Variants in MOGAT2 observed in about 807,000 individuals in gnomAD.
MOGAT2 encodes the protein 2-acylglycerol O-acyltransferase 2.
MOGAT2 carries 27 observed loss-of-function variants against 31.5 expected under a neutral mutation model. The ratio of observed to expected loss-of-function variants is 0.86; its 90% CI spans 0.63 to 1.18. MOGAT2 has a LOEUF of 1.18. Ranked by LOEUF, MOGAT2 falls within the 50% of genes most tolerant of loss-of-function variation. The pLI, the probability that MOGAT2 is intolerant of heterozygous loss-of-function variation, is 0.00. For synonymous variants in MOGAT2, 163 were observed against 170.0 expected (o/e 0.96, Z 0.32); for missense variants, 436 against 433.2 (o/e 1.01, Z -0.06).
intron 1 of MOGAT2, 122 bp downstream of exon 1, chr11:75,718,101 C>A: frequency 2.0e-6 from 2 of 1,003,658 alleles, no homozygotes; most frequent in Non-Finnish European, 3.0e-6. Flanking sequence ...GGCTTTGTTG[C>A]GCTCAGAGCC....
At chr11:75,719,156 C>A (rs969333837) in intron 1 of MOGAT2, among the ~76,000 whole-genome samples, 7 of 152,328 alleles carry the variant, frequency 4.6e-5, no homozygotes, top group African/African-American at 1.7e-4. Flanking sequence ...TGTATACCCC[C>A]TTTGCACAGA....
chr11:75,729,743 TTTTTTTTTTG>T (rs1944457631), intron 5 of MOGAT2, among the ~76,000 whole-genome samples: 3 of 137,552 alleles, frequency 2.2e-5, no homozygotes, highest in Admixed American at 2.1e-4. Context: ...TTTAATTCTT[TTTTTTTTTTG>T]TTTTTTTTTG....
At position 75,732,814 on chromosome 11, in the gene MOGAT2, C is replaced by T. The variant is rs74391419; in HGVS notation, c.*1528C>T. ...CTCCAGACTTTCTGTTCCTCCACCACAGCCCTTAGCACCCTGGGGAGGAGG... is the reference window on the plus strand; with the variant it reads ...CTCCAGACTTTCTGTTCCTCCACCATAGCCCTTAGCACCCTGGGGAGGAGG... On this transcript the variant is annotated 3_prime_UTR_variant, in exon 6 of 6. Transcript: ENST00000198801. The T allele has an allele frequency of 6.6e-6, 1 of 152,488 alleles. No homozygotes were observed. Among genetic ancestry groups the T allele is most frequent in the African/African-American group, 2.4e-5 (1 of 41,564 alleles). The allele number at this position is 152,488 out of a possible 1,614,324, so 9.4% of individuals were successfully genotyped here.
intron 4 of MOGAT2, 31 bp from the exon 5 acceptor site, chr11:75,728,759 C>G: frequency 6.3e-7 from 1 of 1,596,832 alleles, no homozygotes; most frequent in South Asian, 1.1e-5. Flanking sequence ...TGGGGCCTCC[C>G]ACATGCCCTC....
intron 4 of MOGAT2, 196 bp from the exon 5 acceptor site, chr11:75,728,594 T>A (rs1590843286): frequency 1.7e-6 from 1 of 605,872 alleles, no homozygotes; most frequent in Admixed American, 2.9e-5. Context: ...GTTGTGGCCC[T>A]GCAAGGGACC....
At chr11:75,725,869 G>A (rs533130517) in intron 2 of MOGAT2, among the ~76,000 whole-genome samples, 28 of 152,332 alleles carry the variant, frequency 1.8e-4, no homozygotes, top group African/African-American at 6.3e-4. Flanking sequence ...TCCCGATGGG[G>A]TATGTGTGAT....
chr11:75,720,241 T>G, intron 2 of MOGAT2, 71 bp downstream of exon 2: 1 of 1,521,968 alleles, frequency 6.6e-7, no homozygotes, highest in South Asian at 1.2e-5. Flanking sequence ...AGTGCCGACG[T>G]CTCCATGGGA....
intron 4 of MOGAT2, 122 bp from the exon 5 acceptor site, chr11:75,728,668 C>G (rs915484553): frequency 7.4e-6 from 6 of 805,774 alleles, no homozygotes; most frequent in Non-Finnish European, 1.2e-5. Flanking sequence ...CACCTCCAGC[C>G]CAGGTGGCTG....
At chr11:75,727,785 G>A (rs1345921606) in intron 3 of MOGAT2, 146 bp downstream of exon 3, 3 of 1,037,500 alleles carry the variant, frequency 2.9e-6, no homozygotes, top group African/African-American at 1.6e-5. Flanking sequence ...CATGCTGGGC[G>A]CTGAGTCCAT....
intron 5 of MOGAT2, among the ~76,000 whole-genome samples, chr11:75,729,485 G>C (rs1431637677): frequency 1.3e-5 from 2 of 152,122 alleles, no homozygotes; most frequent in Non-Finnish European, 2.9e-5. Context: ...ATGTTGGCCA[G>C]GCTGTTCTCA....
In MOGAT2 at chr11:75,731,211, A is replaced by G. The variant is rs1412371828; in HGVS notation, c.930A>G (p.Lys310=). The part of the protein sequence containing the change: ...EVNQLHQRYI[K]ELCNLFEAHK... ...ACCAGCTGCACCAGCGTTATATCAA[A>G]GAGCTGTGCAACCTCTTCGAGGCCC... Residue 310 remains lysine (K), a synonymous_variant, in exon 6 of 6, where the codon AAA becomes AAG. Transcript: ENST00000198801. 1 of 1,614,168 alleles carries G rather than the reference A, an allele frequency of 6.2e-7. No homozygotes were observed. The highest frequency in any genetic ancestry group is 2.2e-5 in the East Asian group (1 of 44,882).
intron 3 of MOGAT2, among the ~76,000 whole-genome samples, 155 bp downstream of exon 3, chr11:75,727,794 A>C (rs1010448713): frequency 6.6e-6 from 1 of 152,190 alleles, no homozygotes; most frequent in Non-Finnish European, 1.5e-5. Flanking sequence ...CGCTGAGTCC[A>C]TCAGGGGGTT....
At chr11:75,730,931 A>AAG in intron 5 of MOGAT2, 2 of 388,456 alleles carry the variant, frequency 5.1e-6, no homozygotes, top group Admixed American at 4.6e-5. Flanking sequence ...AAAAAAAAAG[A>AAG]AAAGAAAAGA....
intron 2 of MOGAT2, among the ~76,000 whole-genome samples, chr11:75,724,815 C>T (rs957414418): frequency 3.3e-5 from 5 of 152,152 alleles, no homozygotes; most frequent in East Asian, 1.9e-4. Context: ...CCCTTCTCTG[C>T]ACAGTTGCAA....
intron 3 of MOGAT2, 24 bp downstream of exon 3, chr11:75,727,663 G>A: frequency 1.3e-6 from 2 of 1,593,346 alleles, no homozygotes; most frequent in African/African-American, 1.3e-5. Flanking sequence ...CCCCTGAGCA[G>A]CTCAGGAAGG....
chr11:75,717,853 T>A lies in MOGAT2; in HGVS notation c.-36T>A. The A allele has an allele frequency of 6.2e-7, 1 of 1,605,092 alleles. No individual in the cohort carries two copies. The highest frequency in any genetic ancestry group is 8.5e-7 in the Non-Finnish European group (1 of 1,173,132). On this transcript the variant is annotated 5_prime_UTR_variant, in exon 1 of 6. Coordinates refer to ENST00000198801, the MANE Select transcript of MOGAT2 (RefSeq NM_025098.4). ...TGGGTGCCTCAGACCACAGCAGAGC[T>A]CACAGAACCTGCGGGAGCCAGGCTG...
chr11:75,728,797 C>G lies in MOGAT2; in HGVS notation c.658C>G (p.Leu220Val). 6.2e-7 allele frequency: 1 copy of G among 1,613,718 alleles called. No homozygotes were observed. Among genetic ancestry groups the G allele is most frequent in the Non-Finnish European group, 8.5e-7 (1 of 1,179,638 alleles). The change falls in exon 5 of 6, where the codon CTG becomes GTG. Residue 220 changes from leucine to valine, a missense_variant. Leu to Val is a conservative substitution (Grantham distance 32, BLOSUM62 1). Coordinates refer to ENST00000198801, the MANE Select transcript of MOGAT2 (RefSeq NM_025098.4). ...TCCTCTATTTGTCTCCAGGGCACCCCTGGTGCCAATCTTCTCCTTCGGGGA... is the reference window on the plus strand; with the variant it reads ...TCCTCTATTTGTCTCCAGGGCACCCGTGGTGCCAATCTTCTCCTTCGGGGA... Reference protein sequence around the residue: ...VRLALTHGAPLVPIFSFGEND... With the variant: ...VRLALTHGAPVVPIFSFGEND...
At chr11:75,721,630 T>G (rs1424955127) in intron 2 of MOGAT2, among the ~76,000 whole-genome samples, 1 of 152,120 alleles carries the variant, frequency 6.6e-6, no homozygotes, top group Non-Finnish European at 1.5e-5. Context: ...TTATTTTACC[T>G]CGGCAGTGGG....
intron 2 of MOGAT2, among the ~76,000 whole-genome samples, chr11:75,723,984 C>T (rs533405747): frequency 2.0e-5 from 3 of 152,302 alleles, no homozygotes; most frequent in South Asian, 4.1e-4. Context: ...TCTTTGTTTA[C>T]CCCCCTTGAA....
Sources: gnomAD v4.1 joint callset for allele counts (sites outside exome capture counted in the v4.1 genomes callset) on GRCh38, gnomAD v4.1.1 for gene constraint, MANE v1.5 for transcripts, NCBI Gene and HGNC (gene_info 2026-07-23, HGNC 2026-07-21) for gene names.